The following LDLRAD3 variants were observed in gnomAD, a reference collection of about 807,000 sequenced individuals.
LDLRAD3 encodes low-density lipoprotein receptor class A domain-containing protein 3.
Under a neutral mutation model 29.4 loss-of-function variants are expected in LDLRAD3, and 20 were observed. The observed-to-expected ratio is 0.68, with a 90% CI of 0.48 to 0.99. The LOEUF is 0.99. Ranked by LOEUF, LDLRAD3 falls within the 50% of genes least tolerant of loss-of-function variation. LDLRAD3 has a pLI of 0.00. For missense variants in LDLRAD3, 420 were observed against 454.3 expected (o/e 0.92, Z 0.69); for synonymous variants, 157 against 192.7 (o/e 0.81, Z 1.53).
At chr11:36,129,964 G>A (rs1853900792) in intron 4 of LDLRAD3, among the ~76,000 whole-genome samples, 1 of 152,192 alleles carries the variant, frequency 6.6e-6, no homozygotes, top group African/African-American at 2.4e-5. Flanking sequence ...CTCCAGGAGG[G>A]AACTTCCGTG....
At chr11:36,128,340 G>A (rs572755808) in intron 4 of LDLRAD3, among the ~76,000 whole-genome samples, 9 of 151,988 alleles carry the variant, frequency 5.9e-5, no homozygotes, top group East Asian at 3.9e-4. Context: ...GCATTTAACC[G>A]CAATTTCTTC....
chr11:36,137,708 A>T (rs896288176), intron 4 of LDLRAD3, among the ~76,000 whole-genome samples: 1 of 152,228 alleles, frequency 6.6e-6, no homozygotes, highest in African/African-American at 2.4e-5. Flanking sequence ...GAGTACCATT[A>T]TGACCTAATT....
At chr11:36,049,499 A>G (rs1208050145) in intron 2 of LDLRAD3, among the ~76,000 whole-genome samples, 1 of 152,220 alleles carries the variant, frequency 6.6e-6, no homozygotes, top group African/African-American at 2.4e-5. Context: ...AGATGGGGGT[A>G]GAGAATCTTT....
chr11:36,085,335 G>C (rs1853178834), intron 3 of LDLRAD3, among the ~76,000 whole-genome samples: 1 of 147,072 alleles, frequency 6.8e-6, no homozygotes, highest in Non-Finnish European at 1.5e-5. Context: ...TTTTTCTTTA[G>C]CTGCTTTGAA....
intron 1 of LDLRAD3, among the ~76,000 whole-genome samples, chr11:35,974,773 T>G (rs1851455960): frequency 6.6e-6 from 1 of 152,220 alleles, no homozygotes; most frequent in African/African-American, 2.4e-5. Flanking sequence ...TCTGGTCACC[T>G]TCCATTTATG....
intron 4 of LDLRAD3, among the ~76,000 whole-genome samples, chr11:36,136,391 G>A (rs901101626): frequency 8.5e-5 from 13 of 152,184 alleles, no homozygotes; most frequent in African/African-American, 2.7e-4. Flanking sequence ...CAAATCTCAC[G>A]TTGAATTGTA....
intron 4 of LDLRAD3, among the ~76,000 whole-genome samples, chr11:36,188,371 CAAAAAAAAAAAAAAA>C (rs57049829): frequency 0.035 from 2,165 of 62,108 alleles, 98 homozygotes; most frequent in African/African-American, 0.12. Context: ...GGAAAACCAG[CAAAAAAAAAAAAAAA>C]AAAAAAAAAA....
intron 4 of LDLRAD3, among the ~76,000 whole-genome samples, chr11:36,155,019 A>C (rs1441731801): frequency 6.6e-6 from 1 of 151,824 alleles, no homozygotes; most frequent in African/African-American, 2.4e-5. Flanking sequence ...CCTTGCCCTT[A>C]CTTTGAATTC....
chr11:36,068,635 A>G (rs186674416), intron 2 of LDLRAD3, among the ~76,000 whole-genome samples: 2 of 152,052 alleles, frequency 1.3e-5, no homozygotes, highest in Admixed American at 6.5e-5. Context: ...TCCTGCCTCA[A>G]CCTCCCGAGT....
At chr11:36,203,620 A>G (rs1307965150) in intron 4 of LDLRAD3, among the ~76,000 whole-genome samples, 1 of 152,240 alleles carries the variant, frequency 6.6e-6, no homozygotes, top group East Asian at 1.9e-4. Flanking sequence ...AAATTTCCCC[A>G]GGCGGCACAT....
At chr11:36,082,959 T>C (rs762954912) in intron 3 of LDLRAD3, among the ~76,000 whole-genome samples, 1 of 152,238 alleles carries the variant, frequency 6.6e-6, no homozygotes, top group South Asian at 2.1e-4. Flanking sequence ...CATTCATAAT[T>C]ATCATTGGCT....
At chr11:36,176,517 G>A (rs111846846) in intron 4 of LDLRAD3, among the ~76,000 whole-genome samples, 1 of 151,926 alleles carries the variant, frequency 6.6e-6, no homozygotes, top group African/African-American at 2.4e-5. Flanking sequence ...CTTGGTAGTG[G>A]TGAATTGTCT....
At chr11:36,226,854 A>G (rs1044678794) in intron 4 of LDLRAD3, among the ~76,000 whole-genome samples, 3 of 152,240 alleles carry the variant, frequency 2.0e-5, no homozygotes, top group Non-Finnish European at 4.4e-5. Flanking sequence ...AGTAGCATGT[A>G]TCAGTATTTA....
intron 2 of LDLRAD3, among the ~76,000 whole-genome samples, chr11:36,069,923 T>C (rs1192026197): frequency 6.6e-6 from 1 of 152,208 alleles, no homozygotes; most frequent in Non-Finnish European, 1.5e-5. Flanking sequence ...ATGCTGTAAA[T>C]ATTACATTGC....
intron 4 of LDLRAD3, among the ~76,000 whole-genome samples, chr11:36,139,125 C>G (rs991838417): frequency 3.9e-5 from 6 of 152,166 alleles, no homozygotes; most frequent in Non-Finnish European, 8.8e-5. Context: ...TACTGCTGGT[C>G]TTTTGGACTG....
At chr11:35,986,289 T>A (rs1467957360) in intron 1 of LDLRAD3, among the ~76,000 whole-genome samples, 3 of 152,238 alleles carry the variant, frequency 2.0e-5, no homozygotes, top group African/African-American at 7.2e-5. Context: ...ATTTATTTCG[T>A]TTTATTTTTG....
chr11:36,111,546 A>G (rs1003864742), intron 4 of LDLRAD3, among the ~76,000 whole-genome samples: 1 of 148,374 alleles, frequency 6.7e-6, no homozygotes, highest in African/African-American at 2.5e-5. Context: ...TCTTGTTTCC[A>G]CCTTGTTTTC....
chr11:36,128,292 C>T (rs894686374), intron 4 of LDLRAD3, among the ~76,000 whole-genome samples: 1 of 152,002 alleles, frequency 6.6e-6, no homozygotes, highest in Non-Finnish European at 1.5e-5. Flanking sequence ...GGGAGCTCCT[C>T]TGCCTCCTGC....
At chr11:36,205,025 C>T (rs1225589771) in intron 4 of LDLRAD3, among the ~76,000 whole-genome samples, 2 of 152,164 alleles carry the variant, frequency 1.3e-5, no homozygotes, top group Non-Finnish European at 2.9e-5. Context: ...TTCCCAGGTT[C>T]TTCCTCCTCT....
Sources: gnomAD v4.1 joint callset for allele counts (sites outside exome capture counted in the v4.1 genomes callset) on GRCh38, gnomAD v4.1.1 for gene constraint, MANE v1.5 for transcripts, NCBI Gene and HGNC (gene_info 2026-07-23, HGNC 2026-07-21) for gene names.